NECTIN3: variants seen among roughly 807,000 people sequenced by gnomAD.
NECTIN3 encodes the protein nectin-3.
A neutral mutation model predicts 49.4 loss-of-function variants in NECTIN3; 8 were observed. That is an observed-to-expected ratio of 0.16 (90% confidence interval 0.10 to 0.29). The LOEUF (loss-of-function observed/expected upper bound fraction) is 0.29, where lower values mean the gene tolerates loss of function less well. Among genes scored for constraint, NECTIN3 ranks in the 10% least tolerant of loss-of-function variants. The probability of loss-of-function intolerance (pLI) is 1.00; values close to 1 mark genes in which losing one functional copy is unlikely to be tolerated. For synonymous variants in NECTIN3, 277 were observed against 241.1 expected (o/e 1.15, Z -1.38); for missense variants, 581 against 654.6 (o/e 0.89, Z 1.23).
At chr3:111,141,653 A>G (rs2034747478), downstream of NECTIN3, among the ~76,000 whole-genome samples, 1 of 151,632 alleles carries the variant, frequency 6.6e-6, no homozygotes, top group African/African-American at 2.4e-5. Context: ...CTCTTTTTCT[A>G]TTTTTGGAGG....
intron 7 of NECTIN3, among the ~76,000 whole-genome samples, chr3:111,176,127 A>G (rs1167478492): frequency 6.6e-6 from 1 of 152,208 alleles, no homozygotes; most frequent in African/African-American, 2.4e-5. Flanking sequence ...CTATTTGGCC[A>G]TATGAATTAC....
At chr3:111,156,164 A>G (rs2035093749) in intron 7 of NECTIN3, among the ~76,000 whole-genome samples, 1 of 152,180 alleles carries the variant, frequency 6.6e-6, no homozygotes, top group Non-Finnish European at 1.5e-5. Flanking sequence ...TCAAATCACC[A>G]GCCTTCACTG....
chr3:111,075,152 G>C (rs2031091206), intron 1 of NECTIN3: 1 of 151,960 alleles, frequency 6.6e-6, no homozygotes, highest in South Asian at 2.1e-4. Context: ...TTGTAACTTT[G>C]GGTTCGACCT....
At chr3:111,083,662 T>C (rs575992018) in intron 1 of NECTIN3, among the ~76,000 whole-genome samples, 1 of 152,198 alleles carries the variant, frequency 6.6e-6, no homozygotes, top group East Asian at 1.9e-4. Flanking sequence ...AGTCAAGGTT[T>C]TATTCACAAA....
intron 1 of NECTIN3, among the ~76,000 whole-genome samples, chr3:111,075,561 T>A (rs1003348527): frequency 1.5e-4 from 23 of 152,150 alleles, no homozygotes; most frequent in African/African-American, 5.5e-4. Context: ...TTGCGCAGCA[T>A]AAACTAACCA....
At chr3:111,115,020 A>C (rs2033632476) in intron 2 of NECTIN3, among the ~76,000 whole-genome samples, 1 of 152,044 alleles carries the variant, frequency 6.6e-6, no homozygotes, top group Non-Finnish European at 1.5e-5. Context: ...AGTTTTCTTA[A>C]CCCCAGTATT....
Position 111,136,344 on chromosome 3 carries a change from G to A in NECTIN3, c.*2129G>A, listed in dbSNP as rs960319016. On this transcript the variant is annotated 3_prime_UTR_variant, in exon 6 of 6. Coordinates refer to ENST00000485303, the MANE Select transcript of NECTIN3 (RefSeq NM_015480.3). ...CCTTTTACATTGTGGTTATTTGTGC[G>A]ATTAGGTTTTTTTGTTTGTTTCTTT... The A allele has an allele frequency of 5.6e-5, 55 of 984,600 alleles. No homozygotes were observed. Among genetic ancestry groups the A allele is most frequent in the Middle Eastern group, 5.2e-4 (1 of 1,914 alleles). The allele number at this position is 984,600 out of a possible 1,614,324, so 61.0% of individuals were successfully genotyped here. A position where few individuals can be genotyped will look rare whatever the true frequency, so the allele number is the denominator to read the frequency against.
chr3:111,151,233 T>G (rs75320856), intron 7 of NECTIN3, among the ~76,000 whole-genome samples: 30 of 152,030 alleles, frequency 2.0e-4, no homozygotes, highest in African/African-American at 5.8e-4. Context: ...AATAAACATA[T>G]GCATTACCTT....
At chr3:111,124,541 C>T (rs540564610) in intron 4 of NECTIN3, among the ~76,000 whole-genome samples, 2 of 152,176 alleles carry the variant, frequency 1.3e-5, no homozygotes, top group East Asian at 1.9e-4. Flanking sequence ...TTTTGAAAGC[C>T]GATACTTGCA....
intron 1 of NECTIN3, among the ~76,000 whole-genome samples, chr3:111,097,121 C>T (rs1272829764): frequency 2.0e-5 from 3 of 152,194 alleles, no homozygotes; most frequent in Admixed American, 6.5e-5. Flanking sequence ...CAGAGCTTCC[C>T]AAGACCATGG....
At chr3:111,193,365 G>A in intron 1 of NECTIN3, 1 of 1,534,204 alleles carries the variant, frequency 6.5e-7, no homozygotes, top group East Asian at 2.4e-5. Context: ...CGACCCACGA[G>A]AACATTATGT....
chr3:111,106,090 G>A (rs1275859645), intron 1 of NECTIN3, among the ~76,000 whole-genome samples: 3 of 146,524 alleles, frequency 2.0e-5, no homozygotes, highest in East Asian at 2.0e-4. Flanking sequence ...TTCCCTTCTT[G>A]CTTCCCTGGC....
chr3:111,140,725 G>A (rs2034721102), downstream of NECTIN3, among the ~76,000 whole-genome samples: 1 of 151,740 alleles, frequency 6.6e-6, no homozygotes, highest in Admixed American at 6.6e-5. Flanking sequence ...CGTGTCACAA[G>A]ATGTGAAGGA....
chr3:111,122,792 T>G (rs1320360954), intron 4 of NECTIN3, among the ~76,000 whole-genome samples: 1 of 152,126 alleles, frequency 6.6e-6, no homozygotes, highest in African/African-American at 2.4e-5. Flanking sequence ...CATAATTTTC[T>G]TTCTCTGAAA....
intron 1 of NECTIN3, among the ~76,000 whole-genome samples, chr3:111,108,676 G>C (rs970408919): frequency 6.6e-6 from 1 of 152,090 alleles, no homozygotes; most frequent in Admixed American, 6.6e-5. Context: ...GAGGGCCTCA[G>C]GAAGCTTAGA....
rs1043657299 is a variant in NECTIN3, at chr3:111,071,832, T to C, written c.-186T>C. ...TCCCGCTTCAGCCTCGGCAGTGGCG[T>C]CGGCGACGGCGGTGTCGAGGCAGCC... is the stretch of plus-strand genomic sequence containing the variant. On this transcript the variant is annotated 5_prime_UTR_variant, in exon 1 of 6. Transcript: ENST00000485303. 2.7e-6 allele frequency: 1 copy of C among 376,256 alleles called. No homozygotes were observed. The highest frequency in any genetic ancestry group is 1.2e-4 in the South Asian group (1 of 8,610). 23.3% of individuals were successfully genotyped at this position (376,256 alleles called of 1,614,324 possible).
intron 3 of NECTIN3, among the ~76,000 whole-genome samples, chr3:111,121,621 T>C (rs964537786): frequency 3.3e-5 from 5 of 152,160 alleles, no homozygotes; most frequent in Admixed American, 6.5e-5. Context: ...TATTAATTAA[T>C]TGTAACATAG....
chr3:111,138,206 A>G (rs1334017384), downstream of NECTIN3, among the ~76,000 whole-genome samples: 1 of 151,598 alleles, frequency 6.6e-6, no homozygotes, highest in African/African-American at 2.4e-5. Flanking sequence ...TCACCTTGTG[A>G]TGCATCACTT....
intron 1 of NECTIN3, among the ~76,000 whole-genome samples, chr3:111,090,782 C>G (rs76707797): frequency 0.025 from 3,676 of 148,270 alleles, 68 homozygotes; most frequent in Non-Finnish European, 0.041. Flanking sequence ...TTAAAATTCT[C>G]TTTTTGCCTT....
Sources: gnomAD v4.1 joint callset for allele counts (sites outside exome capture counted in the v4.1 genomes callset) on GRCh38, gnomAD v4.1.1 for gene constraint, MANE v1.5 for transcripts, NCBI Gene and HGNC (gene_info 2026-07-23, HGNC 2026-07-21) for gene names.